HMGCLL1: variants seen among roughly 807,000 people sequenced by gnomAD.
HMGCLL1 encodes 3-hydroxymethyl-3-methylglutaryl-CoA lyase, cytoplasmic.
A neutral mutation model predicts 39.1 loss-of-function variants in HMGCLL1; 36 were observed. The ratio of observed to expected loss-of-function variants is 0.92; its 90% CI spans 0.71 to 1.22. The LOEUF (loss-of-function observed/expected upper bound fraction) is 1.22, where lower values mean the gene tolerates loss of function less well. HMGCLL1 is among the 50% of genes most tolerant of loss of function. HMGCLL1 has a pLI of 0.00. For synonymous variants in HMGCLL1, 149 were observed against 144.0 expected (o/e 1.03, Z -0.25); for missense variants, 451 against 416.5 (o/e 1.08, Z -0.72).
At chr6:55,620,836 CA>C in the HMGCLL1 span, among the ~76,000 whole-genome samples, 1 of 151,878 alleles carries the variant, frequency 6.6e-6, no homozygotes, top group African/African-American at 2.4e-5. Flanking sequence ...TATTCTTCTC[CA>C]TATGGTTGTC....
At chr6:55,459,686 C>T (rs1223499162) in intron 7 of HMGCLL1, among the ~76,000 whole-genome samples, 1 of 151,852 alleles carries the variant, frequency 6.6e-6, no homozygotes, top group Non-Finnish European at 1.5e-5. Flanking sequence ...GAGAGGGATA[C>T]AAATAAGAGT....
intron 3 of HMGCLL1, among the ~76,000 whole-genome samples, chr6:55,523,164 C>G (rs553744107): frequency 2.0e-5 from 3 of 151,768 alleles, no homozygotes; most frequent in Non-Finnish European, 4.4e-5. Flanking sequence ...TGTCTCCACT[C>G]CACCTATCTG....
chr6:55,449,033 A>G (rs1181074030), intron 7 of HMGCLL1, among the ~76,000 whole-genome samples: 1 of 152,258 alleles, frequency 6.6e-6, no homozygotes, highest in African/African-American at 2.4e-5. Flanking sequence ...GCAAAAAGGT[A>G]GCACCTAAAA....
At chr6:55,506,109 G>A (rs990135105) in intron 5 of HMGCLL1, among the ~76,000 whole-genome samples, 43 of 151,652 alleles carry the variant, frequency 2.8e-4, no homozygotes, top group African/African-American at 1.0e-3. Flanking sequence ...CATCAGTTGA[G>A]CTGTTTACAA....
the HMGCLL1 span, among the ~76,000 whole-genome samples, chr6:55,617,739 T>C: frequency 1.3e-5 from 2 of 152,082 alleles, no homozygotes; most frequent in African/African-American, 2.4e-5. Flanking sequence ...TGATGATATA[T>C]ACCCTCTGTG....
the HMGCLL1 span, among the ~76,000 whole-genome samples, chr6:55,628,176 T>A: frequency 1.4e-5 from 1 of 73,556 alleles, no homozygotes; most frequent in Admixed American, 2.5e-4. Context: ...GTATATATAC[T>A]ATATATATAA....
intron 3 of HMGCLL1, among the ~76,000 whole-genome samples, chr6:55,539,859 G>GAAGA (rs376526008): frequency 0.12 from 7,432 of 62,668 alleles, 532 homozygotes; most frequent in Middle Eastern, 0.19. Flanking sequence ...AAAGAAAGAG[G>GAAGA]AAGAAAGAAA....
chr6:55,520,040 C>A (rs1581890932), intron 3 of HMGCLL1, among the ~76,000 whole-genome samples: 2 of 131,372 alleles, frequency 1.5e-5, no homozygotes, highest in African/African-American at 2.9e-5. Context: ...TAAGTGGGAG[C>A]TGAACAATGA....
Position 55,542,101 on chromosome 6 carries a change from T to A in HMGCLL1, c.148A>T (p.Ile50Leu). Residue 50 changes from isoleucine to leucine, a missense_variant, in exon 2 of 9, where the codon ATA (isoleucine) becomes TTA (leucine). Coordinates refer to ENST00000274901, the MANE Select transcript of HMGCLL1 (RefSeq NM_001042406.2). Reference protein sequence around the residue: ...QLSGLPEFVKIVEVGPRDGLQ... With the variant: ...QLSGLPEFVKLVEVGPRDGLQ... The stretch of plus-strand genomic sequence containing the variant: ...CCATCCCTAGGCCCAACTTCTACTA[T>A]TTTAACAAACTCAGGGAGTCCAGAT... The A allele has an allele frequency of 3.1e-6, 5 of 1,611,400 alleles. No individual in the cohort carries two copies. The highest frequency in any genetic ancestry group is 4.2e-6 in the Non-Finnish European group (5 of 1,178,156).
At chr6:55,592,817 C>A in the HMGCLL1 span, among the ~76,000 whole-genome samples, 1 of 151,956 alleles carries the variant, frequency 6.6e-6, no homozygotes, top group Non-Finnish European at 1.5e-5. Context: ...ACAGATGAGA[C>A]CATTTGAGCA....
rs1368957455 is a variant in HMGCLL1, at chr6:55,472,181, T to C, written c.795+23238A>G. Among the ~76,000 whole-genome samples the C allele has an allele frequency of 3.3e-5, 5 of 151,644 alleles. No individual in the cohort carries two copies. In the Admixed American group the frequency reaches 3.3e-4, roughly 10 times the overall value. The stretch of plus-strand genomic sequence containing the variant: ...GGTTATATACCTAGGAATGGAATTG[T>C]TGGGTTCTAATGTATGCATGTTTTA... On this transcript the variant is annotated intron_variant, in intron 7 of 8. Coordinates refer to ENST00000274901, the MANE Select transcript of HMGCLL1 (RefSeq NM_001042406.2).
upstream of HMGCLL1, among the ~76,000 whole-genome samples, chr6:55,580,582 A>G (rs2127482105): frequency 6.6e-6 from 1 of 151,458 alleles, no homozygotes; most frequent in Non-Finnish European, 1.5e-5. Context: ...CGCCAGGCTA[A>G]TTTTTTGTAT....
At chr6:55,505,083 C>T (rs1018672297) in intron 5 of HMGCLL1, among the ~76,000 whole-genome samples, 2 of 151,594 alleles carry the variant, frequency 1.3e-5, no homozygotes, top group Non-Finnish European at 3.0e-5. Context: ...TTGTTGAGGT[C>T]ATTTTTTAAT....
the HMGCLL1 span, among the ~76,000 whole-genome samples, chr6:55,615,327 C>T: frequency 6.6e-6 from 1 of 152,066 alleles, no homozygotes; most frequent in African/African-American, 2.4e-5. Flanking sequence ...AAAGCGTACA[C>T]ATGAGGAATA....
At chr6:55,458,399 ATGTG>A (rs1394329281) in intron 7 of HMGCLL1, among the ~76,000 whole-genome samples, 1 of 152,202 alleles carries the variant, frequency 6.6e-6, no homozygotes, top group Non-Finnish European at 1.5e-5. Flanking sequence ...ATAGAGATGC[ATGTG>A]TGACTCAAGG....
the HMGCLL1 span, among the ~76,000 whole-genome samples, chr6:55,588,200 CTG>C: frequency 1.3e-5 from 2 of 152,168 alleles, no homozygotes; most frequent in Non-Finnish European, 2.9e-5. Context: ...TTATAACAAA[CTG>C]TCTCTCAGAC....
the HMGCLL1 span, among the ~76,000 whole-genome samples, chr6:55,616,462 C>A: frequency 6.6e-6 from 1 of 152,086 alleles, no homozygotes; most frequent in African/African-American, 2.4e-5. Flanking sequence ...TGAGCTAATC[C>A]AGAGAGATCA....
the HMGCLL1 span, among the ~76,000 whole-genome samples, chr6:55,617,088 G>T: frequency 6.6e-6 from 1 of 152,002 alleles, no homozygotes; most frequent in African/African-American, 2.4e-5. Flanking sequence ...GTGCATATTT[G>T]TTACACAGGT....
At position 55,477,365 on chromosome 6, in the gene HMGCLL1, AT is replaced by A. The variant is rs1172687590; in HGVS notation, c.795+18053del. Among the ~76,000 whole-genome samples, 11 of 36,284 alleles carry A rather than the reference AT, an allele frequency of 3.0e-4. 2 individuals are homozygous for A. The highest frequency in any genetic ancestry group is 7.7e-4 in the African/African-American group (6 of 7,820). 23.8% of individuals were successfully genotyped at this position (36,284 alleles called of 152,430 possible). A position where few individuals can be genotyped will look rare whatever the true frequency, so the allele number is the denominator to read the frequency against. On this transcript the variant is annotated intron_variant, in intron 7 of 8. Coordinates refer to ENST00000274901, the MANE Select transcript of HMGCLL1 (RefSeq NM_001042406.2). ...ATTATATTTAGATAATATATATTAT[AT>A]TAATATAATATATATTATCTAAATA...
Sources: gnomAD v4.1 joint callset for allele counts (sites outside exome capture counted in the v4.1 genomes callset) on GRCh38, gnomAD v4.1.1 for gene constraint, MANE v1.5 for transcripts, NCBI Gene and HGNC (gene_info 2026-07-23, HGNC 2026-07-21) for gene names.